Variants in CADM2 observed in about 807,000 individuals in gnomAD.
CADM2 encodes cell adhesion molecule 2.
Under a neutral mutation model 49.8 loss-of-function variants are expected in CADM2, and 12 were observed. The ratio of observed to expected loss-of-function variants is 0.24; its 90% CI spans 0.15 to 0.39. CADM2 has a LOEUF of 0.39. Among genes scored for constraint, CADM2 ranks in the 10% least tolerant of loss-of-function variants. CADM2 has a pLI of 1.00. For missense variants in CADM2, 378 were observed against 492.3 expected (o/e 0.77, Z 2.20); for synonymous variants, 214 against 175.4 (o/e 1.22, Z -1.74).
chr3:85,374,942 T>C (rs2033497611), intron 1 of CADM2, among the ~76,000 whole-genome samples: 1 of 152,018 alleles, frequency 6.6e-6, no homozygotes, highest in Admixed American at 6.5e-5. Flanking sequence ...AAATACCTAT[T>C]TCTACTTCAT....
At chr3:85,773,734 T>A (rs1020426910) in intron 2 of CADM2, among the ~76,000 whole-genome samples, 1 of 152,000 alleles carries the variant, frequency 6.6e-6, no homozygotes, top group Non-Finnish European at 1.5e-5. Flanking sequence ...TTTCTCATAC[T>A]TTAAGTTCCG....
At chr3:85,001,295 G>T (rs1357936530) in intron 1 of CADM2, among the ~76,000 whole-genome samples, 2 of 151,644 alleles carry the variant, frequency 1.3e-5, no homozygotes, top group African/African-American at 4.8e-5. Flanking sequence ...TCTGTACCCT[G>T]ATAATTCTAT....
intron 1 of CADM2, among the ~76,000 whole-genome samples, chr3:85,703,167 C>T (rs141092670): frequency 6.6e-6 from 1 of 152,234 alleles, no homozygotes; most frequent in Non-Finnish European, 1.5e-5. Context: ...ATACAGTTTT[C>T]ATTCAAGTGA....
intron 3 of CADM2, among the ~76,000 whole-genome samples, chr3:85,811,574 T>A (rs2072879321): frequency 6.6e-6 from 1 of 152,186 alleles, no homozygotes; most frequent in Non-Finnish European, 1.5e-5. Context: ...AAAATTTGGG[T>A]TCCATTATCT....
At chr3:85,746,154 A>AGTT (rs2068612292) in intron 2 of CADM2, among the ~76,000 whole-genome samples, 1 of 152,192 alleles carries the variant, frequency 6.6e-6, no homozygotes, top group Non-Finnish European at 1.5e-5. Context: ...AGCAACTAGA[A>AGTT]CCTCATTATG....
chr3:85,908,337 A>G (rs569513767), intron 5 of CADM2, among the ~76,000 whole-genome samples: 4 of 143,886 alleles, frequency 2.8e-5, no homozygotes, highest in Non-Finnish European at 6.0e-5. Context: ...GCTCGAACTT[A>G]AATTTGCTAT....
At chr3:85,006,653 G>C (rs948494725) in intron 1 of CADM2, among the ~76,000 whole-genome samples, 10 of 151,742 alleles carry the variant, frequency 6.6e-5, no homozygotes, top group African/African-American at 2.4e-4. Context: ...TTTCTTGTAG[G>C]GTAGCAACAA....
At chr3:85,813,457 A>T (rs2073012523) in intron 3 of CADM2, among the ~76,000 whole-genome samples, 1 of 152,144 alleles carries the variant, frequency 6.6e-6, no homozygotes, top group Non-Finnish European at 1.5e-5. Flanking sequence ...GCCCTTTGTC[A>T]GAAGGACAGA....
chr3:85,341,123 A>C (rs930864725), intron 1 of CADM2, among the ~76,000 whole-genome samples: 5 of 150,780 alleles, frequency 3.3e-5, no homozygotes, highest in Non-Finnish European at 7.4e-5. Context: ...TTTTTTTTTA[A>C]GTTTGCCAAG....
chr3:85,546,607 GATA>G (rs1305891233), intron 1 of CADM2, among the ~76,000 whole-genome samples: 2 of 152,160 alleles, frequency 1.3e-5, no homozygotes, highest in African/African-American at 4.8e-5. Context: ...TTGGATAAAA[GATA>G]ATAAAAGGAT....
In CADM2 at chr3:86,063,629, C is replaced by T. The variant is rs570901346; in HGVS notation, c.971-1976C>T. Among the ~76,000 whole-genome samples the T allele has an allele frequency of 1.7e-4, 26 of 151,612 alleles. No individual in the cohort carries two copies. The South Asian group carries it at 4.6e-3, about 27-fold the overall frequency. On this transcript the variant is annotated intron_variant, in intron 8 of 9. Coordinates refer to ENST00000383699, the MANE Select transcript of CADM2 (RefSeq NM_001167675.2). ...CATTCAGCAAGTTTAGGTGTCTAGACGTTGTTTGAAGTTTCAAACAGTCAG... is the reference window on the plus strand; with the variant it reads ...CATTCAGCAAGTTTAGGTGTCTAGATGTTGTTTGAAGTTTCAAACAGTCAG...
At chr3:85,125,910 A>G (rs1321023146) in intron 1 of CADM2, among the ~76,000 whole-genome samples, 1 of 152,200 alleles carries the variant, frequency 6.6e-6, no homozygotes, top group Non-Finnish European at 1.5e-5. Context: ...GCCAATCCTC[A>G]GGTAATAATG....
At position 85,961,530 on chromosome 3, in the gene CADM2, G is replaced by A; in HGVS notation, c.853G>A (p.Val285Met). Residue 285 changes from valine (V) to methionine (M), a missense_variant, in exon 8 of 10, where the codon GTG becomes ATG. Val to Met is a conservative substitution (Grantham distance 21). Transcript: ENST00000383699. ...ATTACCAGATCCTGACCGAATGGTT[G>A]TGAGTGGTAGGGAGCTAAACATTCT... ...GELPDPDRMV[V>M]SGRELNILFL... 1.9e-6 allele frequency: 3 copies of A among 1,609,560 alleles called. No individual in the cohort carries two copies. The highest frequency in any genetic ancestry group is 2.5e-6 in the Non-Finnish European group (3 of 1,176,784).
At chr3:85,720,489 A>C (rs1478807059) in intron 1 of CADM2, among the ~76,000 whole-genome samples, 1 of 152,206 alleles carries the variant, frequency 6.6e-6, no homozygotes, top group Non-Finnish European at 1.5e-5. Flanking sequence ...ATTTCCATCC[A>C]TCCAATATTT....
intron 1 of CADM2, among the ~76,000 whole-genome samples, chr3:85,422,165 G>A (rs969111132): frequency 4.0e-5 from 4 of 101,226 alleles, no homozygotes; most frequent in African/African-American, 1.2e-4. Context: ...AACCACATAT[G>A]GATTTTAATA....
In CADM2 at chr3:85,136,928, G is replaced by C. The variant is rs573001428; in HGVS notation, c.61+177260G>C. Among the ~76,000 whole-genome samples the C allele has an allele frequency of 3.3e-5, 5 of 152,016 alleles. No homozygotes were observed. In the South Asian group the frequency reaches 6.2e-4, roughly 19 times the overall value. On this transcript the variant is annotated intron_variant, in intron 1 of 9. Coordinates refer to ENST00000383699, the MANE Select transcript of CADM2 (RefSeq NM_001167675.2). ...CAACTTGAAGATGTCATTGTCATAG[G>C]CTGCATTTTTATATTTAAAAATATG...
chr3:85,307,430 T>C (rs1046711573), intron 1 of CADM2, among the ~76,000 whole-genome samples: 1 of 151,778 alleles, frequency 6.6e-6, no homozygotes, highest in African/African-American at 2.4e-5. Flanking sequence ...ATCAGCGGCT[T>C]GCCTACTGGA....
intron 3 of CADM2, among the ~76,000 whole-genome samples, chr3:85,881,083 C>T (rs1280948194): frequency 6.6e-6 from 1 of 151,984 alleles, no homozygotes; most frequent in African/African-American, 2.4e-5. Flanking sequence ...GCTATCTTTT[C>T]TTTTTATCCT....
intron 1 of CADM2, among the ~76,000 whole-genome samples, chr3:85,651,984 C>CTTTTT (rs75263402): frequency 2.8e-5 from 3 of 105,464 alleles, no homozygotes; most frequent in Non-Finnish European, 5.7e-5. Context: ...CGCCCGGCTA[C>CTTTTT]TTTTTTTTTT....
Sources: gnomAD v4.1 joint callset for allele counts (sites outside exome capture counted in the v4.1 genomes callset) on GRCh38, gnomAD v4.1.1 for gene constraint, MANE v1.5 for transcripts, NCBI Gene and HGNC (gene_info 2026-07-23, HGNC 2026-07-21) for gene names.